Variants in CDH9 observed in about 807,000 individuals in gnomAD.
CDH9 encodes the protein cadherin-9.
In CDH9, 28 loss-of-function variants were observed where a neutral mutation model predicts 70.9. The observed-to-expected ratio is 0.40, with a 90% confidence interval of 0.29 to 0.54. CDH9 has a LOEUF of 0.54. Ranked by LOEUF, CDH9 falls within the 20% of genes least tolerant of loss-of-function variation. The pLI is 0.59. For missense variants in CDH9, 874 were observed against 984.4 expected, an observed-to-expected ratio of 0.89 and a Z score of 1.50; for synonymous variants, 409 against 343.1, an observed-to-expected ratio of 1.19 and a Z score of -2.12.
At chr5:26,925,052 T>A (rs2112016752) in intron 2 of CDH9, among the ~76,000 whole-genome samples, 1 of 152,296 alleles carries the variant, frequency 6.6e-6, no homozygotes, top group Non-Finnish European at 1.5e-5. Context: ...TTTATAATCC[T>A]TTGGGCATAT....
At position 26,880,649 on chromosome 5, in the gene CDH9, C is replaced by A. The variant is rs1194712954; in HGVS notation, c.*487G>T. 5 of 152,232 alleles carry A rather than the reference C, an allele frequency of 3.3e-5. No homozygotes were observed. The highest frequency in any genetic ancestry group is 1.5e-5 in the Non-Finnish European group (1 of 67,928). The allele number at this position is 152,232 out of a possible 1,614,324, so 9.4% of individuals were successfully genotyped here. A position where few individuals can be genotyped will look rare whatever the true frequency, so the allele number is the denominator to read the frequency against. ...ATAAAAATACAAAAATATAAATATA[C>A]ATTTATAAAAATATGAATGAATTAA... On this transcript the variant is annotated 3_prime_UTR_variant, in exon 12 of 12. Coordinates refer to ENST00000231021, the MANE Select transcript of CDH9 (RefSeq NM_016279.4).
At chr5:26,915,413 ACTGCTAT>A (rs1237069548) in intron 3 of CDH9, among the ~76,000 whole-genome samples, 9 of 152,024 alleles carry the variant, frequency 5.9e-5, no homozygotes, top group African/African-American at 2.2e-4. Flanking sequence ...AAATGAATTA[ACTGCTAT>A]TGATAATCAT....
chr5:26,905,831 A>G (rs770062722), intron 5 of CDH9, 128 bp downstream of exon 5: 7 of 676,148 alleles, frequency 1.0e-5, no homozygotes, highest in Non-Finnish European at 1.8e-5. Context: ...TGGTAGAGGA[A>G]TGGATTATGG....
chr5:27,027,782 G>T (rs1317831454), intron 1 of CDH9, among the ~76,000 whole-genome samples: 1 of 151,996 alleles, frequency 6.6e-6, no homozygotes, highest in African/African-American at 2.4e-5. Context: ...TGGGAGCTGG[G>T]AAGAGATCAT....
intron 11 of CDH9, among the ~76,000 whole-genome samples, chr5:26,881,984 T>G (rs1359663031): frequency 1.3e-5 from 2 of 152,130 alleles, no homozygotes; most frequent in Non-Finnish European, 2.9e-5. Flanking sequence ...CATGGTGATA[T>G]TGATCATTCC....
At chr5:26,882,578 AAAAT>A (rs2111962925) in intron 11 of CDH9, among the ~76,000 whole-genome samples, 1 of 152,196 alleles carries the variant, frequency 6.6e-6, no homozygotes, top group Non-Finnish European at 1.5e-5. Flanking sequence ...CACGATTTTA[AAAAT>A]ATAAATTTTC....
At chr5:26,999,184 G>T (rs1032889313) in intron 1 of CDH9, among the ~76,000 whole-genome samples, 5 of 152,112 alleles carry the variant, frequency 3.3e-5, no homozygotes, top group African/African-American at 1.2e-4. Flanking sequence ...GGCAGAGGTT[G>T]CAGTGAGCCG....
intron 2 of CDH9, among the ~76,000 whole-genome samples, chr5:26,917,328 T>A (rs191216468): frequency 9.7e-4 from 147 of 152,130 alleles, no homozygotes; most frequent in South Asian, 2.7e-3. Context: ...ATTTTATTTA[T>A]TCAGGAGTAA....
chr5:26,882,337 G>A (rs148913043), intron 11 of CDH9, among the ~76,000 whole-genome samples: 1 of 151,942 alleles, frequency 6.6e-6, no homozygotes, highest in Non-Finnish European at 1.5e-5. Flanking sequence ...GACATACAAG[G>A]TCCGATTTAA....
intron 2 of CDH9, among the ~76,000 whole-genome samples, chr5:26,959,852 T>C (rs1203535099): frequency 6.6e-6 from 1 of 151,968 alleles, no homozygotes; most frequent in Non-Finnish European, 1.5e-5. Context: ...TTAGTGATTG[T>C]CAGTGTTCGG....
Position 26,915,912 on chromosome 5 carries a change from G to T in CDH9, c.241C>A (p.Gln81Lys). The T allele has an allele frequency of 1.2e-6, 2 of 1,606,442 alleles. No homozygotes were observed. The highest frequency in any genetic ancestry group is 1.7e-6 in the Non-Finnish European group (2 of 1,174,720). The change falls in exon 3 of 12, where the codon CAA (glutamine) becomes AAA (lysine). Residue 81 changes from glutamine (Q) to lysine (K), a missense_variant. Gln to Lys is a moderately conservative substitution (Grantham distance 53). Coordinates refer to ENST00000231021, the MANE Select transcript of CDH9 (RefSeq NM_016279.4). Reference protein sequence around the residue: ...TQYVGKLHTDQDKGDGNLKYI... With the variant: ...TQYVGKLHTDKDKGDGNLKYI... ...TTTAAATTTCCATCTCCTTTATCTT[G>T]GTCAGTGTGAAGCTTTAGAGAGGTA...
chr5:26,990,834 C>T (rs1318948248), intron 1 of CDH9, among the ~76,000 whole-genome samples: 1 of 152,150 alleles, frequency 6.6e-6, no homozygotes, highest in African/African-American at 2.4e-5. Flanking sequence ...TGCTTATAAC[C>T]CTTGCCAGAG....
At chr5:26,993,855 T>G (rs1742622803) in intron 1 of CDH9, among the ~76,000 whole-genome samples, 1 of 151,836 alleles carries the variant, frequency 6.6e-6, no homozygotes, top group African/African-American at 2.4e-5. Flanking sequence ...AGGGTAGGGG[T>G]GGTCACCCAG....
intron 1 of CDH9, among the ~76,000 whole-genome samples, chr5:27,029,125 T>C (rs1056845704): frequency 6.6e-6 from 1 of 151,776 alleles, no homozygotes; most frequent in Non-Finnish European, 1.5e-5. Flanking sequence ...CATGGAAACT[T>C]TTTTTTTCTA....
At chr5:26,940,840 A>G (rs185333599) in intron 2 of CDH9, among the ~76,000 whole-genome samples, 2 of 152,222 alleles carry the variant, frequency 1.3e-5, no homozygotes, top group Non-Finnish European at 2.9e-5. Context: ...ATTTGTATTT[A>G]AAAAACCAAG....
chr5:26,915,565 C>A, intron 3 of CDH9, 65 bp downstream of exon 3: 2 of 927,812 alleles, frequency 2.2e-6, no homozygotes, highest in South Asian at 1.5e-5. Flanking sequence ...AACCACAAGT[C>A]AATAATAATT....
At chr5:27,022,931 T>C (rs1743163720) in intron 1 of CDH9, among the ~76,000 whole-genome samples, 1 of 151,464 alleles carries the variant, frequency 6.6e-6, no homozygotes, top group African/African-American at 2.4e-5. Flanking sequence ...CAGTTATTTG[T>C]ATTGTTCTTT....
intron 1 of CDH9, among the ~76,000 whole-genome samples, chr5:27,002,600 A>G (rs952325449): frequency 1.1e-4 from 17 of 152,276 alleles, no homozygotes; most frequent in African/African-American, 4.1e-4. Flanking sequence ...ATAAAAAATG[A>G]TGAGTTCATG....
intron 1 of CDH9, among the ~76,000 whole-genome samples, chr5:27,009,758 T>C (rs965323259): frequency 3.3e-5 from 5 of 152,104 alleles, no homozygotes; most frequent in Admixed American, 1.3e-4. Flanking sequence ...AGGATAACTC[T>C]CTTAAAAACG....
Sources: gnomAD v4.1 joint callset for allele counts (sites outside exome capture counted in the v4.1 genomes callset) on GRCh38, gnomAD v4.1.1 for gene constraint, MANE v1.5 for transcripts, NCBI Gene and HGNC (gene_info 2026-07-23, HGNC 2026-07-21) for gene names.